CFAP20DC: variants seen among roughly 807,000 people sequenced by gnomAD.
CFAP20DC encodes the protein CFAP20 domain containing.
Under a neutral mutation model 101.7 loss-of-function variants are expected in CFAP20DC, and 84 were observed. That is an observed-to-expected ratio of 0.83 (90% CI 0.69 to 0.99). CFAP20DC has a LOEUF of 0.99. Among genes scored for constraint, CFAP20DC ranks in the 50% least tolerant of loss-of-function variants. The pLI is 0.00. For synonymous variants in CFAP20DC, 359 were observed against 351.2 expected (o/e 1.02, Z -0.25); for missense variants, 1,007 against 970.3 (o/e 1.04, Z -0.50).
chr3:58,726,775 G>T, intron 3 of CFAP20DC: 1 of 159,224 alleles, frequency 6.3e-6, no homozygotes, highest in Non-Finnish European at 1.2e-5. Context: ...TACTTCCACT[G>T]ACACCATCAG....
intron 15 of CFAP20DC, among the ~76,000 whole-genome samples, chr3:58,781,829 C>T (rs949983406): frequency 2.6e-5 from 4 of 151,880 alleles, no homozygotes; most frequent in South Asian, 2.1e-4. Context: ...TACCAGATGG[C>T]TTCACTGCCA....
intron 4 of CFAP20DC, among the ~76,000 whole-genome samples, chr3:58,952,529 A>G (rs1193609458): frequency 6.6e-6 from 1 of 152,104 alleles, no homozygotes; most frequent in Non-Finnish European, 1.5e-5. Context: ...ACCCTGTGGA[A>G]TTCTGGCCTT....
intron 15 of CFAP20DC, among the ~76,000 whole-genome samples, chr3:58,805,429 C>T (rs1205076910): frequency 6.6e-6 from 1 of 152,210 alleles, no homozygotes; most frequent in Non-Finnish European, 1.5e-5. Flanking sequence ...TACTTAACAA[C>T]CACCTGCCAA....
intron 6 of CFAP20DC, among the ~76,000 whole-genome samples, chr3:58,895,776 G>A (rs2082620128): frequency 6.6e-6 from 1 of 152,094 alleles, no homozygotes; most frequent in African/African-American, 2.4e-5. Context: ...AGGCTTAATG[G>A]GGAACTCACA....
chr3:59,028,742 TA>T, intron 4 of CFAP20DC, among the ~76,000 whole-genome samples: 1 of 152,340 alleles, frequency 6.6e-6, no homozygotes, highest in East Asian at 1.9e-4. Context: ...TTATGCCTAC[TA>T]TCCAGGCTAA....
intron 14 of CFAP20DC, 112 bp downstream of exon 14, chr3:58,831,574 T>C (rs1256628559): frequency 6.6e-6 from 5 of 763,096 alleles, no homozygotes; most frequent in African/African-American, 3.5e-5. Context: ...TTATTTCTCA[T>C]AGGGAGAGTT....
At chr3:59,024,292 A>C (rs1192177179) in intron 4 of CFAP20DC, among the ~76,000 whole-genome samples, 1 of 152,184 alleles carries the variant, frequency 6.6e-6, no homozygotes, top group East Asian at 1.9e-4. Context: ...TAACCAATCT[A>C]AAGTCCAATG....
In CFAP20DC at chr3:58,897,844, C is replaced by T. The variant is rs6808900; in HGVS notation, c.551-13135G>A. Among the ~76,000 whole-genome samples, 25,579 of 152,052 alleles carry T rather than the reference C, an allele frequency of 0.17. 4,399 individuals are homozygous for T. The highest frequency in any genetic ancestry group is 0.42 in the African/African-American group (17,548 of 41,440). ...TTCATTTTGACCTTGGAGAATCTGA[C>T]GATTATGTGCCTTGGCATTGATCGT... On this transcript the variant is annotated intron_variant, in intron 6 of 16. Transcript: ENST00000482387. The surrounding 1 kb of genome is among the most constrained non-coding windows in gnomAD (Gnocchi z 4.4).
intron 16 of CFAP20DC, among the ~76,000 whole-genome samples, chr3:58,749,004 G>T (rs1001923655): frequency 6.6e-6 from 1 of 152,122 alleles, no homozygotes; most frequent in African/African-American, 2.4e-5. Flanking sequence ...ACAGTGCCGG[G>T]TACACAATGG....
At chr3:58,742,978 A>T (rs1021369240) in intron 16 of CFAP20DC, among the ~76,000 whole-genome samples, 2 of 152,368 alleles carry the variant, frequency 1.3e-5, no homozygotes, top group Admixed American at 6.5e-5. Flanking sequence ...GTGCAAACTA[A>T]CTAATAAAAT....
intron 14 of CFAP20DC, among the ~76,000 whole-genome samples, chr3:58,829,934 TGCTGCA>T (rs1278247905): frequency 6.6e-6 from 1 of 152,200 alleles, no homozygotes; most frequent in Non-Finnish European, 1.5e-5. Flanking sequence ...TTTAAATGAC[TGCTGCA>T]GAGTATTTTA....
intron 4 of CFAP20DC, among the ~76,000 whole-genome samples, chr3:58,945,364 T>C (rs1284994523): frequency 6.6e-6 from 1 of 152,228 alleles, no homozygotes; most frequent in Non-Finnish European, 1.5e-5. Context: ...TACCCTACAC[T>C]GTGTTTGAAT....
chr3:58,778,030 G>A (rs1168382891), intron 15 of CFAP20DC, among the ~76,000 whole-genome samples: 1 of 152,196 alleles, frequency 6.6e-6, no homozygotes, highest in Non-Finnish European at 1.5e-5. Context: ...GTGTGGCTGT[G>A]CATTTTCATG....
At chr3:58,997,594 A>G (rs909707731) in intron 4 of CFAP20DC, among the ~76,000 whole-genome samples, 10 of 152,230 alleles carry the variant, frequency 6.6e-5, no homozygotes, top group African/African-American at 2.4e-4. Context: ...GTCATGAAAC[A>G]TGGCCTTCTA....
At chr3:58,825,022 AG>A (rs2075948790) in intron 14 of CFAP20DC, among the ~76,000 whole-genome samples, 1 of 152,136 alleles carries the variant, frequency 6.6e-6, no homozygotes, top group African/African-American at 2.4e-5. Context: ...CTCACAGGGT[AG>A]CTGCACAATA....
chr3:59,009,634 T>C (rs1316859950), intron 4 of CFAP20DC, among the ~76,000 whole-genome samples: 8 of 152,040 alleles, frequency 5.3e-5, no homozygotes, highest in Admixed American at 1.3e-4. Context: ...AATATACACA[T>C]TTGGAGAACT....
chr3:59,032,644 C>A (rs891525458), intron 4 of CFAP20DC, among the ~76,000 whole-genome samples: 1 of 152,180 alleles, frequency 6.6e-6, no homozygotes, highest in Non-Finnish European at 1.5e-5. Context: ...GACTGCCTCT[C>A]CAGATTCCTC....
chr3:58,940,994 A>G (rs985418715), intron 4 of CFAP20DC, among the ~76,000 whole-genome samples: 1 of 152,134 alleles, frequency 6.6e-6, no homozygotes, highest in African/African-American at 2.4e-5. Context: ...ATTTATTCCT[A>G]AGTATTTTGT....
At chr3:59,035,178 A>G (rs1222878265) in intron 4 of CFAP20DC, among the ~76,000 whole-genome samples, 4 of 152,110 alleles carry the variant, frequency 2.6e-5, no homozygotes, top group Non-Finnish European at 5.9e-5. Context: ...GAATCTCTGA[A>G]ACACAGCTAA....
Sources: gnomAD v4.1 joint callset for allele counts (sites outside exome capture counted in the v4.1 genomes callset) on GRCh38, gnomAD v4.1.1 for gene constraint, Gnocchi (gnomAD v3.1) non-coding constraint, MANE v1.5 for transcripts, NCBI Gene and HGNC (gene_info 2026-07-23, HGNC 2026-07-21) for gene names.